The following C1orf87 variants were observed in gnomAD, a reference collection of about 807,000 sequenced individuals.
C1orf87 encodes chromosome 1 open reading frame 87, also known as uncharacterized protein C1orf87.
C1orf87 carries 58 observed loss-of-function variants against 60.5 expected under a neutral mutation model. The ratio of observed to expected loss-of-function variants is 0.96; its 90% CI spans 0.78 to 1.19. C1orf87 has a LOEUF of 1.19. Among genes scored for constraint, C1orf87 ranks in the 50% most tolerant of loss-of-function variants. The pLI is 0.00. For missense variants in C1orf87, 673 were observed against 638.6 expected (o/e 1.05, Z -0.58); for synonymous variants, 236 against 227.4 (o/e 1.04, Z -0.34).
chr1:60,049,091 G>A (rs1645394198), intron 3 of C1orf87, among the ~76,000 whole-genome samples: 2 of 151,920 alleles, frequency 1.3e-5, no homozygotes, highest in South Asian at 2.1e-4. Flanking sequence ...TACATCTTTG[G>A]GATAGATTTC....
intron 3 of C1orf87, among the ~76,000 whole-genome samples, chr1:60,043,782 CA>C (rs1645345187): frequency 7.4e-6 from 1 of 134,718 alleles, no homozygotes; most frequent in Non-Finnish European, 1.6e-5. Context: ...CAGCCACACA[CA>C]ATTTTTTTTT....
intron 6 of C1orf87, among the ~76,000 whole-genome samples, chr1:60,035,706 A>T (rs1361426551): frequency 6.6e-6 from 1 of 152,222 alleles, no homozygotes; most frequent in Non-Finnish European, 1.5e-5. Flanking sequence ...TATCCCTGAA[A>T]GTAAATTGAT....
At chr1:60,028,489 C>A (rs1430596336) in intron 7 of C1orf87, among the ~76,000 whole-genome samples, 1 of 152,068 alleles carries the variant, frequency 6.6e-6, no homozygotes, top group Non-Finnish European at 1.5e-5. Flanking sequence ...ATAATGATGA[C>A]CCTTGGTAAG....
At chr1:60,001,046 C>T (rs767818629) in intron 10 of C1orf87, 31 bp downstream of exon 10, 5 of 1,568,022 alleles carry the variant, frequency 3.2e-6, no homozygotes, top group East Asian at 2.3e-5. Context: ...TGAAAACCTT[C>T]CCCCAAACTC....
chr1:60,005,494 G>A (rs1645037386), intron 9 of C1orf87, among the ~76,000 whole-genome samples: 1 of 152,092 alleles, frequency 6.6e-6, no homozygotes, highest in Non-Finnish European at 1.5e-5. Flanking sequence ...ATTTTAGATA[G>A]ATAATTCATC....
At chr1:60,025,972 G>A (rs780248405) in intron 7 of C1orf87, among the ~76,000 whole-genome samples, 1 of 152,184 alleles carries the variant, frequency 6.6e-6, no homozygotes, top group Non-Finnish European at 1.5e-5. Flanking sequence ...TTTCCTTAAT[G>A]TCACATAGCT....
At chr1:60,014,349 G>A (rs1361425075) in intron 8 of C1orf87, among the ~76,000 whole-genome samples, 1 of 152,156 alleles carries the variant, frequency 6.6e-6, no homozygotes, top group Admixed American at 6.6e-5. Context: ...CTTGGGGCAA[G>A]CAACTAATTG....
intron 3 of C1orf87, among the ~76,000 whole-genome samples, chr1:60,053,400 G>T (rs753168177): frequency 3.9e-5 from 6 of 152,124 alleles, no homozygotes; most frequent in Middle Eastern, 3.2e-3. Context: ...AAGATAATAG[G>T]AGTTCCTACC....
chr1:60,062,631 T>C (rs1645504916), intron 2 of C1orf87, among the ~76,000 whole-genome samples: 1 of 152,168 alleles, frequency 6.6e-6, no homozygotes, highest in Non-Finnish European at 1.5e-5. Context: ...ATTTCTTCTA[T>C]TTCCTGTCTA....
chr1:60,061,720 C>T (rs1402845687), intron 2 of C1orf87, among the ~76,000 whole-genome samples: 1 of 133,420 alleles, frequency 7.5e-6, no homozygotes, highest in East Asian at 2.3e-4. Context: ...AAGAAGATCA[C>T]TTGAAGCCAG....
intron 11 of C1orf87, among the ~76,000 whole-genome samples, chr1:59,997,262 G>A (rs1273950997): frequency 6.6e-6 from 1 of 152,148 alleles, no homozygotes; most frequent in East Asian, 1.9e-4. Flanking sequence ...TGGCCAGGTG[G>A]ATAGGGACCA....
chr1:60,038,045 A>G lies in C1orf87; in HGVS notation c.810T>C (p.Asn270=). The G allele has an allele frequency of 6.2e-7, 1 of 1,610,540 alleles. No homozygotes were observed. Among genetic ancestry groups the G allele is most frequent in the Non-Finnish European group, 8.5e-7 (1 of 1,177,392 alleles). The change falls in exon 6 of 12, where the codon AAT becomes AAC. Residue 270 remains asparagine, a synonymous_variant. Transcript: ENST00000371201. ...TTTTTCTCAGGTCTGCAGCTGCTTT[A>G]TTTTGCTGTGGATAATCTGATGCTG... ...NSAASDYPQQ[N]KAAADLRKTE...
intron 2 of C1orf87, among the ~76,000 whole-genome samples, chr1:60,067,911 G>A (rs556770768): frequency 6.6e-6 from 1 of 152,158 alleles, no homozygotes; most frequent in Admixed American, 6.5e-5. Context: ...AAGGTATAAG[G>A]AAGGGGCCCA....
chr1:60,005,770 C>CGTGTGTGTGTGTGTGT (rs139222813), intron 9 of C1orf87, among the ~76,000 whole-genome samples: 2,132 of 143,978 alleles, frequency 0.015, 40 homozygotes, highest in African/African-American at 0.051. Context: ...GAAGCTGATT[C>CGTGTGTGTGTGTGTGT]GTGTGTGTGT....
intron 10 of C1orf87, among the ~76,000 whole-genome samples, chr1:59,999,011 C>T (rs1050004672): frequency 6.6e-6 from 1 of 152,156 alleles, no homozygotes; most frequent in Non-Finnish European, 1.5e-5. Context: ...AATTATGCCT[C>T]TAACTTTTGT....
At chr1:59,992,246 A>T (rs1644929330) in intron 11 of C1orf87, among the ~76,000 whole-genome samples, 1 of 150,476 alleles carries the variant, frequency 6.6e-6, no homozygotes, top group Admixed American at 6.6e-5. Context: ...TTATTTATTT[A>T]TTTATTTATT....
At chr1:60,003,885 A>G (rs528618971) in intron 9 of C1orf87, among the ~76,000 whole-genome samples, 1 of 152,076 alleles carries the variant, frequency 6.6e-6, no homozygotes, top group East Asian at 1.9e-4. Flanking sequence ...TTATCCTCTC[A>G]TATCTACCCC....
chr1:60,064,126 T>C (rs1574329489), intron 2 of C1orf87, among the ~76,000 whole-genome samples: 1 of 151,622 alleles, frequency 6.6e-6, no homozygotes, highest in South Asian at 2.1e-4. Context: ...ACCTCCAACA[T>C]TGAACTCCAA....
At chr1:60,031,710 A>G (rs1645238840) in intron 7 of C1orf87, among the ~76,000 whole-genome samples, 2 of 152,306 alleles carry the variant, frequency 1.3e-5, no homozygotes, top group South Asian at 4.2e-4. Context: ...TGCCAGTGGA[A>G]AATCTGAGAC....
Sources: gnomAD v4.1 joint callset for allele counts (sites outside exome capture counted in the v4.1 genomes callset) on GRCh38, gnomAD v4.1.1 for gene constraint, MANE v1.5 for transcripts, NCBI Gene and HGNC (gene_info 2026-07-23, HGNC 2026-07-21) for gene names.